Variants in CNTN4 observed in about 807,000 individuals in gnomAD.
CNTN4 encodes contactin-4.
In CNTN4, 77 loss-of-function variants were observed where a neutral mutation model predicts 122.5. The ratio of observed to expected loss-of-function variants is 0.63; its 90% CI spans 0.52 to 0.76. CNTN4 has a LOEUF of 0.76. Ranked by LOEUF, CNTN4 falls within the 30% of genes least tolerant of loss-of-function variation. The pLI is 0.00. For synonymous variants in CNTN4, 512 were observed against 447.0 expected (o/e 1.15, Z -1.83); for missense variants, 1,256 against 1,259.1 (o/e 1.00, Z 0.04).
chr3:2,553,290 A>G (rs1469080273), intron 3 of CNTN4, among the ~76,000 whole-genome samples: 3 of 152,006 alleles, frequency 2.0e-5, no homozygotes, highest in Non-Finnish European at 4.4e-5. Context: ...TCCAACTAGC[A>G]CTCATTCCGG....
intron 6 of CNTN4, among the ~76,000 whole-genome samples, chr3:2,787,471 A>G (rs1206751454): frequency 1.3e-5 from 2 of 152,204 alleles, no homozygotes; most frequent in Non-Finnish European, 2.9e-5. Flanking sequence ...ATATATAGTG[A>G]TCATTACATA....
rs578198213 is a variant in CNTN4, at chr3:2,136,145, G to T, written c.-145+35506G>T. 3.5e-4 allele frequency among the ~76,000 whole-genome samples: 53 copies of T among 152,254 alleles called. No homozygotes were observed. In the South Asian group the frequency reaches 0.011, roughly 30 times the overall value. Reference sequence around the variant, plus strand: ...TCTTTCCTTACTTTTGTATTTGGAGGTGTAAGGATGTAATCCCACGTTCTT... The same window carrying T: ...TCTTTCCTTACTTTTGTATTTGGAGTTGTAAGGATGTAATCCCACGTTCTT... On this transcript the variant is annotated intron_variant, in intron 2 of 24. Transcript: ENST00000418658.
At chr3:2,443,684 T>A (rs913914514) in intron 3 of CNTN4, among the ~76,000 whole-genome samples, 15 of 152,148 alleles carry the variant, frequency 9.9e-5, no homozygotes, top group Middle Eastern at 3.2e-3. Flanking sequence ...CCCAACACAC[T>A]GAACCTGCTT....
chr3:2,627,563 G>T lies in CNTN4; in HGVS notation c.55+56005G>T, dbSNP rs137942386. Among the ~76,000 whole-genome samples the T allele has an allele frequency of 5.3e-3, 773 of 145,094 alleles. 8 individuals are homozygous for T. The highest frequency in any genetic ancestry group is 0.019 in the African/African-American group (729 of 38,688). ...GGCTGGAGTGTAGTAGCGCAATCTC[G>T]GCTCACTGCAAGCTCCGCCTCCTGG... On this transcript the variant is annotated intron_variant, in intron 4 of 24. Coordinates refer to ENST00000418658, the MANE Select transcript of CNTN4 (RefSeq NM_175607.3).
chr3:2,205,736 C>T (rs1167643808), intron 2 of CNTN4, among the ~76,000 whole-genome samples: 1 of 151,902 alleles, frequency 6.6e-6, no homozygotes, highest in East Asian at 1.9e-4. Context: ...AAACCCAGAA[C>T]GAAGCTAGTA....
At chr3:2,475,233 C>G (rs763644023) in intron 3 of CNTN4, among the ~76,000 whole-genome samples, 8 of 152,140 alleles carry the variant, frequency 5.3e-5, no homozygotes, top group Admixed American at 2.6e-4. Flanking sequence ...GAGATAACTG[C>G]TATCATGTTG....
At chr3:2,210,019 A>C (rs2038539211) in intron 2 of CNTN4, among the ~76,000 whole-genome samples, 1 of 152,062 alleles carries the variant, frequency 6.6e-6, no homozygotes, top group African/African-American at 2.4e-5. Flanking sequence ...TGGCTGATAC[A>C]CACTTTAGCC....
At chr3:2,816,853 A>G (rs1032094888) in intron 6 of CNTN4, among the ~76,000 whole-genome samples, 1 of 149,292 alleles carries the variant, frequency 6.7e-6, no homozygotes. Flanking sequence ...GAACTTACCC[A>G]TGTAACCAAA....
At chr3:2,179,158 G>T (rs558234863) in intron 2 of CNTN4, among the ~76,000 whole-genome samples, 1 of 152,018 alleles carries the variant, frequency 6.6e-6, no homozygotes, top group Non-Finnish European at 1.5e-5. Context: ...ACAAAGCTGC[G>T]CTGGTGTGGT....
intron 2 of CNTN4, among the ~76,000 whole-genome samples, chr3:2,287,300 C>A (rs910972025): frequency 6.6e-6 from 1 of 152,052 alleles, no homozygotes; most frequent in Admixed American, 6.6e-5. Context: ...TTGAAATGGG[C>A]TGTGTATAAA....
In CNTN4 at chr3:2,515,592, T is replaced by C. The variant is rs371933887; in HGVS notation, c.-88-55824T>C. On this transcript the variant is annotated intron_variant, in intron 3 of 24. Transcript: ENST00000418658. ...AACATGAGATAGGAAAAATATTTTA[T>C]GGAAAGTTTTTTTAATGATACACTT... Among the ~76,000 whole-genome samples the C allele has an allele frequency of 6.6e-4, 101 of 152,220 alleles. 1 individual carries two copies. The South Asian group carries it at 0.015, about 23-fold the overall frequency.
intron 3 of CNTN4, among the ~76,000 whole-genome samples, chr3:2,353,786 C>G (rs920040582): frequency 6.6e-6 from 1 of 152,150 alleles, no homozygotes; most frequent in Non-Finnish European, 1.5e-5. Flanking sequence ...GTGGTCCCAG[C>G]TACTCGGGAG....
At chr3:2,703,390 A>T (rs1257076539) in intron 4 of CNTN4, among the ~76,000 whole-genome samples, 1 of 152,210 alleles carries the variant, frequency 6.6e-6, no homozygotes, top group Non-Finnish European at 1.5e-5. Flanking sequence ...ATGTGTTTAT[A>T]GTTTTCATAT....
chr3:2,697,747 G>A (rs908939664), intron 4 of CNTN4, among the ~76,000 whole-genome samples: 2 of 152,120 alleles, frequency 1.3e-5, no homozygotes, highest in African/African-American at 4.8e-5. Flanking sequence ...TAAGGAACTG[G>A]CTCATGCAGT....
intron 12 of CNTN4, among the ~76,000 whole-genome samples, chr3:2,918,246 T>C (rs1311472800): frequency 6.6e-6 from 1 of 152,210 alleles, no homozygotes; most frequent in East Asian, 1.9e-4. Context: ...CCTGTATCAC[T>C]GAAGTGCATG....
In CNTN4 at chr3:3,034,734, T is replaced by C; in HGVS notation, c.1886T>C (p.Met629Thr). The C allele has an allele frequency of 6.2e-7, 1 of 1,613,976 alleles. No individual in the cohort carries two copies. The highest frequency in any genetic ancestry group is 8.5e-7 in the Non-Finnish European group (1 of 1,179,996). ...CCTGACAACCACAGCCCCATCACCA[T>C]GTATGTCATTCAAGCCAGGACTCCA... is the stretch of plus-strand genomic sequence containing the variant. ...PGPDNHSPIT[M>T]YVIQARTPFS... Residue 629 changes from methionine to threonine, a missense_variant, in exon 17 of 25, where the codon ATG (methionine) becomes ACG (threonine). By Grantham distance (81) the Met-to-Thr change is moderately conservative (BLOSUM62 -1). Transcript: ENST00000418658.
At chr3:2,257,692 C>T (rs1274518813) in intron 2 of CNTN4, among the ~76,000 whole-genome samples, 1 of 152,164 alleles carries the variant, frequency 6.6e-6, no homozygotes, top group African/African-American at 2.4e-5. Context: ...CACTTATCAT[C>T]ACTGGTCATT....
chr3:2,976,537 C>G (rs913589286), intron 13 of CNTN4, among the ~76,000 whole-genome samples: 1 of 152,120 alleles, frequency 6.6e-6, no homozygotes, highest in Non-Finnish European at 1.5e-5. Context: ...ACGGAAAGGT[C>G]AATGACAGGT....
intron 3 of CNTN4, among the ~76,000 whole-genome samples, chr3:2,366,892 T>C (rs2045401380): frequency 6.6e-6 from 1 of 152,074 alleles, no homozygotes; most frequent in Non-Finnish European, 1.5e-5. Context: ...GCTAAAAGAA[T>C]ACCACGTTTA....
Sources: gnomAD v4.1 joint callset for allele counts (sites outside exome capture counted in the v4.1 genomes callset) on GRCh38, gnomAD v4.1.1 for gene constraint, MANE v1.5 for transcripts, NCBI Gene and HGNC (gene_info 2026-07-23, HGNC 2026-07-21) for gene names.